SH3D19: variants seen among roughly 807,000 people sequenced by gnomAD.
SH3D19 encodes SH3 domain-containing protein 19.
Under a neutral mutation model 112.1 loss-of-function variants are expected in SH3D19, and 58 were observed. The ratio of observed to expected loss-of-function variants is 0.52; its 90% CI spans 0.42 to 0.64. The LOEUF (loss-of-function observed/expected upper bound fraction) is 0.64, where lower values mean the gene tolerates loss of function less well. Among genes scored for constraint, SH3D19 ranks in the 30% least tolerant of loss-of-function variants. The pLI, the probability that SH3D19 is intolerant of heterozygous loss-of-function variation, is 0.00. For missense variants in SH3D19, 1,090 were observed against 1,263.4 expected, an observed-to-expected ratio of 0.86 and a Z score of 2.08; for synonymous variants, 391 against 448.5, an observed-to-expected ratio of 0.87 and a Z score of 1.62.
intron 18 of SH3D19, 85 bp downstream of exon 18, chr4:151,128,085 G>A: frequency 8.8e-7 from 1 of 1,129,972 alleles, no homozygotes; most frequent in Non-Finnish European, 1.2e-6. Context: ...AACTGAGCAT[G>A]GCCAGAGGGG....
chr4:151,131,823 A>G (rs1474594946), intron 17 of SH3D19, among the ~76,000 whole-genome samples: 1 of 140,798 alleles, frequency 7.1e-6, no homozygotes, highest in African/African-American at 2.7e-5. Context: ...CTCTTTTATC[A>G]TTTTCTTTCT....
Position 151,139,818 on chromosome 4 carries a change from G to A in SH3D19, c.2253C>T (p.Asp751=), listed in dbSNP as rs1752657794. The A allele has an allele frequency of 1.2e-6, 2 of 1,614,086 alleles. No individual in the cohort carries two copies. Among genetic ancestry groups the A allele is most frequent in the South Asian group, 1.1e-5 (1 of 91,078 alleles). The change falls in exon 13 of 20, where the codon GAC becomes GAT. Residue 751 remains aspartate (D), a synonymous_variant. Transcript: ENST00000604030. ...NDPSHAQKPV[D]SGAPHAVVLH... Reference sequence around the variant, plus strand: ...GAACGACAGCATGAGGAGCACCACTGTCAACAGGCTTCTGAGCGTGGCTTG... The same window carrying A: ...GAACGACAGCATGAGGAGCACCACTATCAACAGGCTTCTGAGCGTGGCTTG...
intron 1 of SH3D19, among the ~76,000 whole-genome samples, chr4:151,236,320 A>G (rs2149961935): frequency 6.6e-6 from 1 of 152,358 alleles, no homozygotes; most frequent in South Asian, 2.1e-4. Flanking sequence ...CGGGCCCCGC[A>G]CTTGGCACAG....
intron 1 of SH3D19, among the ~76,000 whole-genome samples, chr4:151,229,989 G>C (rs945153534): frequency 4.3e-4 from 65 of 152,308 alleles, no homozygotes; most frequent in African/African-American, 1.3e-3. Context: ...TAAATGCTGT[G>C]GGGGAGATGT....
intron 2 of SH3D19, among the ~76,000 whole-genome samples, chr4:151,220,896 G>C (rs768964738): frequency 1.3e-5 from 2 of 152,140 alleles, no homozygotes; most frequent in Non-Finnish European, 2.9e-5. Context: ...CTACAGAAGA[G>C]AGTTCTGTGG....
intron 2 of SH3D19, among the ~76,000 whole-genome samples, chr4:151,214,043 C>T (rs1766459326): frequency 6.8e-6 from 1 of 147,808 alleles, no homozygotes; most frequent in African/African-American, 2.5e-5. Context: ...TCCCTGGGTA[C>T]TTGAGATTAG....
At position 151,175,176 on chromosome 4, in the gene SH3D19, C is replaced by G; in HGVS notation, c.1028G>C (p.Arg343Thr). 6.2e-7 allele frequency: 1 copy of G among 1,614,134 alleles called. No individual in the cohort carries two copies. The highest frequency in any genetic ancestry group is 8.5e-7 in the Non-Finnish European group (1 of 1,180,026). ...CCCAGAGTCCCACTCTCCAGAAGCT[C>G]TGTTAGCAGCTGGTTTGGGAGCTAC... is the stretch of plus-strand genomic sequence containing the variant. ...PSVAPKPAAN[R>T]ASGEWDSGTE... Residue 343 changes from arginine to threonine, a missense_variant, in exon 7 of 20, where the codon AGA becomes ACA. Transcript: ENST00000604030.
At chr4:151,140,141 G>T in intron 12 of SH3D19, 1 of 312,426 alleles carries the variant, frequency 3.2e-6, no homozygotes, top group Non-Finnish European at 5.9e-6. Flanking sequence ...TATTTATTTT[G>T]AAACAGTATC....
At chr4:151,272,084 A>G (rs771734487) in intron 1 of SH3D19, among the ~76,000 whole-genome samples, 3 of 152,184 alleles carry the variant, frequency 2.0e-5, no homozygotes, top group Non-Finnish European at 2.9e-5. Context: ...GCACTTCCTT[A>G]TAAGAGCCAG....
At chr4:151,285,866 CTCTG>C (rs1355457013) in intron 1 of SH3D19, among the ~76,000 whole-genome samples, 2 of 151,770 alleles carry the variant, frequency 1.3e-5, no homozygotes, top group African/African-American at 4.8e-5. Flanking sequence ...GACTCTGTGG[CTCTG>C]TCTCTTAAAA....
chr4:151,298,859 A>G (rs567085834), intron 1 of SH3D19, among the ~76,000 whole-genome samples: 9 of 152,204 alleles, frequency 5.9e-5, no homozygotes, highest in Non-Finnish European at 1.3e-4. Context: ...AAGAAACTGA[A>G]TATCATTTCA....
intron 1 of SH3D19, among the ~76,000 whole-genome samples, chr4:151,267,958 A>C (rs1299441493): frequency 2.0e-5 from 3 of 152,212 alleles, no homozygotes; most frequent in Non-Finnish European, 2.9e-5. Context: ...TGTCTGTGAA[A>C]GGTTGTCCAA....
At chr4:151,203,672 T>C (rs764469039) in intron 2 of SH3D19, among the ~76,000 whole-genome samples, 7 of 152,214 alleles carry the variant, frequency 4.6e-5, no homozygotes, top group Non-Finnish European at 8.8e-5. Flanking sequence ...ATGTTTCAAA[T>C]AATAACTTTA....
chr4:151,257,083 GTT>G (rs1184091445), intron 1 of SH3D19, among the ~76,000 whole-genome samples: 4 of 151,148 alleles, frequency 2.6e-5, no homozygotes, highest in Non-Finnish European at 5.9e-5. Context: ...TTATTTATTT[GTT>G]TGTTTGTTTA....
Position 151,243,925 on chromosome 4 carries a change from T to A in SH3D19, c.113-17839A>T, listed in dbSNP as rs989225594. 1.1e-4 allele frequency among the ~76,000 whole-genome samples: 17 copies of A among 152,262 alleles called. No homozygotes were observed. The East Asian group carries it at 2.3e-3, about 21-fold the overall frequency. Reference sequence around the variant, plus strand: ...GACCAAGAACTGAACAAGGAGTACATCTCCAAATATCATGCCTTCTTCAAA... The same window carrying A: ...GACCAAGAACTGAACAAGGAGTACAACTCCAAATATCATGCCTTCTTCAAA... On this transcript the variant is annotated intron_variant, in intron 1 of 19. Coordinates refer to ENST00000604030, the MANE Select transcript of SH3D19 (RefSeq NM_001378122.1).
chr4:151,227,752 A>AC, intron 1 of SH3D19: 1 of 985,332 alleles, frequency 1.0e-6, no homozygotes, highest in Non-Finnish European at 1.2e-6. Flanking sequence ...CAAAGCAACA[A>AC]CTCTTACCTG....
intron 2 of SH3D19, among the ~76,000 whole-genome samples, chr4:151,204,364 A>G (rs548852665): frequency 4.2e-4 from 64 of 152,354 alleles, no homozygotes; most frequent in Non-Finnish European, 6.9e-4. Context: ...AAGTACTAGT[A>G]AAAGGAAGAA....
At chr4:151,180,516 C>G (rs993609680) in intron 3 of SH3D19, among the ~76,000 whole-genome samples, 1 of 148,252 alleles carries the variant, frequency 6.7e-6, no homozygotes, top group Non-Finnish European at 1.5e-5. Context: ...ACACCATTCT[C>G]TTGCCTCATC....
chr4:151,180,999 T>G (rs1760843642), intron 3 of SH3D19, among the ~76,000 whole-genome samples: 1 of 150,074 alleles, frequency 6.7e-6, no homozygotes. Context: ...GGTCTTGATC[T>G]CCTGACCTCG....
Sources: allele counts gnomAD v4.1 joint callset (sites outside exome capture counted in the v4.1 genomes callset), GRCh38; gene constraint gnomAD v4.1.1; transcripts MANE v1.5; gene names NCBI Gene and HGNC (gene_info 2026-07-23, HGNC 2026-07-21).